RARB: variants seen among roughly 807,000 people sequenced by gnomAD.
The protein encoded by RARB is HBV-activated protein.
A neutral mutation model predicts 51.9 loss-of-function variants in RARB; 17 were observed. The observed-to-expected ratio is 0.33, with a 90% CI of 0.22 to 0.49. RARB has a LOEUF of 0.49. Among genes scored for constraint, RARB ranks in the 20% least tolerant of loss-of-function variants. The probability of loss-of-function intolerance (pLI) is 0.99; values close to 1 mark genes in which losing one functional copy is unlikely to be tolerated. For synonymous variants in RARB, 215 were observed against 195.4 expected, an observed-to-expected ratio of 1.10 and a Z score of -0.84; for missense variants, 369 against 550.8, an observed-to-expected ratio of 0.67 and a Z score of 3.30.
intron 3 of RARB, among the ~76,000 whole-genome samples, chr3:25,569,556 A>T (rs111905620): frequency 1.5e-3 from 229 of 152,316 alleles, no homozygotes; most frequent in African/African-American, 5.5e-3. Flanking sequence ...GCATATACAG[A>T]AAGACAAACC....
At chr3:25,035,907 A>G (rs1184648174) in intron 2 of RARB, among the ~76,000 whole-genome samples, 2 of 152,098 alleles carry the variant, frequency 1.3e-5, no homozygotes, top group Admixed American at 6.5e-5. Context: ...TGAGGTGGTT[A>G]TACACTCGGT....
chr3:25,115,640 TTTTC>T (rs1442105954), intron 3 of RARB, among the ~76,000 whole-genome samples: 46 of 151,830 alleles, frequency 3.0e-4, no homozygotes, highest in African/African-American at 1.0e-3. Context: ...TTTCCTTTCT[TTTTC>T]TTTCTTTCTT....
chr3:25,363,830 A>T (rs1470546016), intron 5 of RARB, among the ~76,000 whole-genome samples: 4 of 151,868 alleles, frequency 2.6e-5, no homozygotes, highest in African/African-American at 7.3e-5. Context: ...CCCTACTAAC[A>T]TCTCTTTCTC....
At chr3:25,153,300 A>G (rs1700322200) in intron 4 of RARB, among the ~76,000 whole-genome samples, 1 of 152,200 alleles carries the variant, frequency 6.6e-6, no homozygotes, top group East Asian at 1.9e-4. Flanking sequence ...TCATCCGCAG[A>G]CTTTTAACAA....
intron 3 of RARB, among the ~76,000 whole-genome samples, chr3:25,085,159 A>G (rs946270480): frequency 6.6e-6 from 1 of 152,186 alleles, no homozygotes; most frequent in African/African-American, 2.4e-5. Flanking sequence ...AAAATACTGA[A>G]TTATTTTATC....
At chr3:25,241,487 G>A (rs1250396022) in intron 5 of RARB, among the ~76,000 whole-genome samples, 1 of 151,942 alleles carries the variant, frequency 6.6e-6, no homozygotes, top group Admixed American at 6.6e-5. Context: ...CCCCGGACAG[G>A]CCCGGGTGTG....
chr3:25,589,575 C>G (rs1252658773), intron 5 of RARB, among the ~76,000 whole-genome samples: 2 of 152,220 alleles, frequency 1.3e-5, no homozygotes, highest in African/African-American at 2.4e-5. Context: ...GTCCCTGGCT[C>G]TGCCTCTGGG....
chr3:25,230,687 G>C (rs1702157229), intron 5 of RARB, among the ~76,000 whole-genome samples: 1 of 151,890 alleles, frequency 6.6e-6, no homozygotes, highest in South Asian at 2.1e-4. Flanking sequence ...TAGAAAGCTG[G>C]GGTTTACCTA....
intron 5 of RARB, among the ~76,000 whole-genome samples, chr3:25,368,697 A>T (rs1706208880): frequency 6.6e-6 from 1 of 152,164 alleles, no homozygotes; most frequent in Non-Finnish European, 1.5e-5. Flanking sequence ...TTCCTTTCTA[A>T]AAGCAAGTAG....
chr3:25,272,317 T>A (rs1238401576), intron 5 of RARB, among the ~76,000 whole-genome samples: 3 of 152,192 alleles, frequency 2.0e-5, no homozygotes, highest in Non-Finnish European at 4.4e-5. Flanking sequence ...TATGCCATGA[T>A]CTCCTTTGGA....
intron 4 of RARB, among the ~76,000 whole-genome samples, chr3:25,141,821 T>C (rs776014776): frequency 3.3e-5 from 5 of 152,234 alleles, no homozygotes; most frequent in Admixed American, 2.0e-4. Context: ...TTTTATAATA[T>C]ATGAAGTATC....
At chr3:25,356,651 C>T (rs989218093) in intron 5 of RARB, among the ~76,000 whole-genome samples, 1 of 152,070 alleles carries the variant, frequency 6.6e-6, no homozygotes, top group African/African-American at 2.4e-5. Flanking sequence ...TCTCCTGATG[C>T]TGTCACTCCC....
At chr3:25,488,089 G>C (rs569874959) in intron 2 of RARB, among the ~76,000 whole-genome samples, 2 of 152,202 alleles carry the variant, frequency 1.3e-5, no homozygotes, top group Non-Finnish European at 2.9e-5. Context: ...ATTCCCCAAA[G>C]TCTAGGGACT....
intron 1 of RARB, chr3:25,441,368 C>A: frequency 3.8e-6 from 1 of 265,940 alleles, no homozygotes; most frequent in South Asian, 4.6e-5. Flanking sequence ...CACTGGACTT[C>A]GTATAAAGCC....
At chr3:25,061,636 T>C (rs1026066669) in intron 3 of RARB, among the ~76,000 whole-genome samples, 2 of 151,844 alleles carry the variant, frequency 1.3e-5, no homozygotes, top group Non-Finnish European at 3.0e-5. Context: ...AGCTGCTTTA[T>C]CTAAACTTAA....
intron 5 of RARB, among the ~76,000 whole-genome samples, chr3:25,419,092 G>T (rs1334338245): frequency 6.6e-6 from 1 of 151,940 alleles, no homozygotes; most frequent in Non-Finnish European, 1.5e-5. Flanking sequence ...GCAGAAGTAT[G>T]ATTGGCCAAA....
intron 3 of RARB, among the ~76,000 whole-genome samples, chr3:25,089,672 G>T (rs1186055762): frequency 2.0e-5 from 3 of 151,984 alleles, no homozygotes; most frequent in Non-Finnish European, 2.9e-5. Context: ...TTTTATTTTG[G>T]GTTGTTTTAT....
At chr3:25,284,113 A>G (rs1703592492) in intron 5 of RARB, among the ~76,000 whole-genome samples, 1 of 152,190 alleles carries the variant, frequency 6.6e-6, no homozygotes, top group African/African-American at 2.4e-5. Flanking sequence ...ATGCTGGAGA[A>G]GCCCACATGG....
At chr3:25,409,759 A>G (rs1258149458) in intron 5 of RARB, among the ~76,000 whole-genome samples, 2 of 151,972 alleles carry the variant, frequency 1.3e-5, no homozygotes, top group Admixed American at 6.6e-5. Flanking sequence ...CAACTGAGCA[A>G]CTCTCCACAT....
Sources: allele counts gnomAD v4.1 joint callset (sites outside exome capture counted in the v4.1 genomes callset), GRCh38; gene constraint gnomAD v4.1.1; transcripts MANE v1.5; gene names NCBI Gene and HGNC (gene_info 2026-07-23, HGNC 2026-07-21).